The following INTU variants were observed in gnomAD, a reference collection of about 807,000 sequenced individuals.
INTU encodes protein inturned.
Under a neutral mutation model 100.5 loss-of-function variants are expected in INTU, and 68 were observed. The observed-to-expected ratio is 0.68, with a 90% CI of 0.56 to 0.83. INTU has a LOEUF of 0.83. INTU is among the 40% of genes least tolerant of loss of function. The probability of loss-of-function intolerance (pLI) is 0.00; values close to 1 mark genes in which losing one functional copy is unlikely to be tolerated. For synonymous variants in INTU, 357 were observed against 395.7 expected (o/e 0.90, Z 1.16); for missense variants, 1,071 against 1,114.7 (o/e 0.96, Z 0.56).
intron 6 of INTU, among the ~76,000 whole-genome samples, chr4:127,679,230 ACT>A (rs1729391876): frequency 6.6e-6 from 1 of 152,176 alleles, no homozygotes; most frequent in Non-Finnish European, 1.5e-5. Flanking sequence ...CAGGAATTGA[ACT>A]CAGCTCTGCA....
intron 9 of INTU, among the ~76,000 whole-genome samples, chr4:127,703,897 T>G (rs1197874801): frequency 1.3e-5 from 2 of 152,172 alleles, no homozygotes; most frequent in Non-Finnish European, 2.9e-5. Context: ...TAGCTTATGG[T>G]AATATTGGAT....
intron 2 of INTU, among the ~76,000 whole-genome samples, chr4:127,648,349 T>A (rs1727684114): frequency 6.6e-6 from 1 of 152,194 alleles, no homozygotes; most frequent in South Asian, 2.1e-4. Flanking sequence ...GAAGTGGATA[T>A]AATATTTATT....
chr4:127,679,055 A>T (rs1048702956), intron 6 of INTU, among the ~76,000 whole-genome samples: 4 of 152,122 alleles, frequency 2.6e-5, no homozygotes, highest in African/African-American at 9.7e-5. Context: ...AGAGCTAACT[A>T]TCCTAAATAT....
chr4:127,669,562 G>T (rs1172674801), intron 5 of INTU, among the ~76,000 whole-genome samples: 1 of 151,686 alleles, frequency 6.6e-6, no homozygotes, highest in Non-Finnish European at 1.5e-5. Flanking sequence ...AACTTCCTAG[G>T]CAATACCTTT....
chr4:127,716,538 T>C lies in INTU; in HGVS notation c.*102T>C. On this transcript the variant is annotated 3_prime_UTR_variant, in exon 16 of 16. Coordinates refer to ENST00000335251, the MANE Select transcript of INTU (RefSeq NM_015693.4). ...GAGATAAAGTTTAGCTTCTTTTTACTATTCAATATTGAACATAATATTGTT... is the reference window on the plus strand; with the variant it reads ...GAGATAAAGTTTAGCTTCTTTTTACCATTCAATATTGAACATAATATTGTT... 1 of 465,580 alleles carries C rather than the reference T, an allele frequency of 2.1e-6. No homozygotes were observed. Among genetic ancestry groups the C allele is most frequent in the Non-Finnish European group, 3.8e-6 (1 of 263,162 alleles). The allele number at this position is 465,580 out of a possible 1,614,324, so 28.8% of individuals were successfully genotyped here.
chr4:127,660,701 C>T (rs1036370726), intron 3 of INTU, among the ~76,000 whole-genome samples: 3 of 152,100 alleles, frequency 2.0e-5, no homozygotes, highest in Admixed American at 6.6e-5. Context: ...ATAGAGAGTG[C>T]GTCCTTGGGT....
chr4:127,660,982 A>G (rs1366826975), intron 3 of INTU, among the ~76,000 whole-genome samples: 1 of 152,200 alleles, frequency 6.6e-6, no homozygotes, highest in Non-Finnish European at 1.5e-5. Flanking sequence ...CCATTTTATC[A>G]AGGCAACCAG....
chr4:127,678,835 G>C (rs1002142627), intron 6 of INTU, among the ~76,000 whole-genome samples: 3 of 152,060 alleles, frequency 2.0e-5, no homozygotes, highest in African/African-American at 7.2e-5. Context: ...AGACCCATCA[G>C]TGTGCTGTAT....
intron 8 of INTU, among the ~76,000 whole-genome samples, chr4:127,692,383 A>G (rs569843733): frequency 1.3e-5 from 2 of 152,216 alleles, no homozygotes; most frequent in African/African-American, 4.8e-5. Context: ...CCAGTTGTAT[A>G]TCTTCTTTTC....
At chr4:127,682,580 C>T (rs1388494951) in intron 6 of INTU, among the ~76,000 whole-genome samples, 5 of 119,080 alleles carry the variant, frequency 4.2e-5, no homozygotes, top group Non-Finnish European at 6.4e-5. Context: ...GAACATCACA[C>T]TCTGGGGACT....
chr4:127,662,078 A>G (rs1160421301), intron 3 of INTU, among the ~76,000 whole-genome samples: 1 of 151,888 alleles, frequency 6.6e-6, no homozygotes. Flanking sequence ...GACCATTTGT[A>G]TATCTTCTTT....
chr4:127,700,118 C>A, intron 9 of INTU, 55 bp downstream of exon 9: 3 of 1,238,916 alleles, frequency 2.4e-6, no homozygotes, highest in South Asian at 2.7e-5. Flanking sequence ...TTTTGTATAA[C>A]AGTCATTATT....
intron 13 of INTU, among the ~76,000 whole-genome samples, chr4:127,708,941 A>T (rs1273394061): frequency 6.6e-6 from 1 of 152,192 alleles, no homozygotes; most frequent in Non-Finnish European, 1.5e-5. Context: ...TGTATATTTA[A>T]TATAATTTTT....
At chr4:127,658,511 T>C (rs1012003545) in intron 3 of INTU, among the ~76,000 whole-genome samples, 3 of 152,208 alleles carry the variant, frequency 2.0e-5, no homozygotes, top group African/African-American at 7.2e-5. Flanking sequence ...AGAATTGCAG[T>C]ATTTTGACAA....
Position 127,719,544 on chromosome 4 carries a change from T to C in INTU, c.*3108T>C, listed in dbSNP as rs956783516. 3.9e-5 allele frequency: 6 copies of C among 152,216 alleles called. No homozygotes were observed. The allele number at this position is 152,216 out of a possible 1,614,324, so 9.4% of individuals were successfully genotyped here. A position where few individuals can be genotyped will look rare whatever the true frequency, so the allele number is the denominator to read the frequency against. On this transcript the variant is annotated 3_prime_UTR_variant, in exon 16 of 16. Coordinates refer to ENST00000335251, the MANE Select transcript of INTU (RefSeq NM_015693.4). ...CTCCTTTTCATTTGTTTGGAATAGT[T>C]TCAGAAGAAGTGGTATCAGCTTCTT...
chr4:127,677,733 G>A (rs995765168), intron 6 of INTU, among the ~76,000 whole-genome samples: 5 of 152,270 alleles, frequency 3.3e-5, no homozygotes, highest in Admixed American at 1.3e-4. Flanking sequence ...CACCAGCAAC[G>A]GAACACAGCT....
At chr4:127,712,080 G>A (rs1731116078) in intron 14 of INTU, among the ~76,000 whole-genome samples, 1 of 152,198 alleles carries the variant, frequency 6.6e-6, no homozygotes, top group Non-Finnish European at 1.5e-5. Context: ...TGGTTGTAAT[G>A]TATATAGCAA....
chr4:127,657,397 G>T (rs1411066637), intron 3 of INTU, among the ~76,000 whole-genome samples: 1 of 152,106 alleles, frequency 6.6e-6, no homozygotes, highest in East Asian at 1.9e-4. Flanking sequence ...TCAGGAATTA[G>T]CATTCTCTTT....
intron 1 of INTU, among the ~76,000 whole-genome samples, chr4:127,636,674 GTGAT>G (rs943464367): frequency 3.1e-4 from 46 of 150,768 alleles, no homozygotes; most frequent in African/African-American, 9.2e-4. Flanking sequence ...TTGCTGGTCT[GTGAT>G]TTTTGTTCTG....
Sources: gnomAD v4.1 joint callset for allele counts (sites outside exome capture counted in the v4.1 genomes callset) on GRCh38, gnomAD v4.1.1 for gene constraint, MANE v1.5 for transcripts, NCBI Gene and HGNC (gene_info 2026-07-23, HGNC 2026-07-21) for gene names.